The following CACNA1I variants were observed in gnomAD, a reference collection of about 807,000 sequenced individuals.
CACNA1I encodes the protein calcium voltage-gated channel subunit alpha1 I.
Under a neutral mutation model 201.6 loss-of-function variants are expected in CACNA1I, and 74 were observed. The ratio of observed to expected loss-of-function variants is 0.37; its 90% CI spans 0.30 to 0.45. The LOEUF is 0.45. Ranked by LOEUF, CACNA1I falls within the 20% of genes least tolerant of loss-of-function variation. CACNA1I has a pLI of 1.00. For missense variants in CACNA1I, 2,346 were observed against 3,138.1 expected (o/e 0.75, Z 6.03); for synonymous variants, 1,431 against 1,345.2 (o/e 1.06, Z -1.40).
At chr22:39,620,970 C>T (rs1463311659) in intron 4 of CACNA1I, among the ~76,000 whole-genome samples, 2 of 152,132 alleles carry the variant, frequency 1.3e-5, no homozygotes, top group Non-Finnish European at 2.9e-5. Flanking sequence ...ATTGGTCAGG[C>T]TGGTCTCGAA....
At chr22:39,610,510 G>A (rs1158601692) in intron 3 of CACNA1I, among the ~76,000 whole-genome samples, 1 of 152,164 alleles carries the variant, frequency 6.6e-6, no homozygotes, top group Non-Finnish European at 1.5e-5. Context: ...TAGCTGCCAT[G>A]TGTGATGTTG....
intron 4 of CACNA1I, among the ~76,000 whole-genome samples, chr22:39,632,796 G>A (rs1934101644): frequency 6.6e-6 from 1 of 152,058 alleles, no homozygotes; most frequent in South Asian, 2.1e-4. Flanking sequence ...GATGGATTAT[G>A]AGGGCACCCA....
At chr22:39,587,129 C>T (rs1000344131) in intron 1 of CACNA1I, among the ~76,000 whole-genome samples, 13 of 152,206 alleles carry the variant, frequency 8.5e-5, no homozygotes, top group Non-Finnish European at 1.8e-4. Context: ...CTGCCATTGC[C>T]TCCCCTACTC....
intron 5 of CACNA1I, among the ~76,000 whole-genome samples, chr22:39,640,537 C>T (rs1297303647): frequency 6.6e-6 from 1 of 152,212 alleles, no homozygotes; most frequent in African/African-American, 2.4e-5. Context: ...CCTGCTCTGT[C>T]TGTGCGAACC....
intron 23 of CACNA1I, 93 bp from the exon 24 acceptor site, chr22:39,668,199 A>G (rs1332625711): frequency 2.7e-6 from 2 of 747,448 alleles, no homozygotes; most frequent in Non-Finnish European, 4.7e-6. Context: ...TCTGCCTCCC[A>G]AGGGCAGAAG....
chr22:39,647,897 C>T lies in CACNA1I; in HGVS notation c.1538C>T (p.Ala513Val). The change falls in exon 9 of 37, where the codon GCC (alanine) becomes GTC (valine). Residue 513 changes from alanine (A) to valine (V), a missense_variant. By Grantham distance (64) the Ala-to-Val change is moderately conservative (BLOSUM62 0). Transcript: ENST00000402142. ...SRHCQTLHGPASPGNDHSGRE... is the reference protein window; with the variant it reads ...SRHCQTLHGPVSPGNDHSGRE... ...CATTGCCAGACTTTGCATGGGCCTG[C>T]CTCCCCTGGAAATGATCACTCGGGA... 3.1e-6 allele frequency: 5 copies of T among 1,613,658 alleles called. No homozygotes were observed. The highest frequency in any genetic ancestry group is 4.2e-6 in the Non-Finnish European group (5 of 1,179,836).
intron 27 of CACNA1I, among the ~76,000 whole-genome samples, chr22:39,672,551 C>T (rs569655765): frequency 3.9e-5 from 6 of 152,250 alleles, no homozygotes; most frequent in African/African-American, 1.4e-4. Flanking sequence ...TTGTCTCTAC[C>T]CTATGGGCAG....
chr22:39,582,281 T>C (rs774763761), intron 1 of CACNA1I, among the ~76,000 whole-genome samples: 1 of 151,718 alleles, frequency 6.6e-6, no homozygotes, highest in Non-Finnish European at 1.5e-5. Context: ...AAAATTGGGG[T>C]GGGGTGGGCT....
chr22:39,628,263 C>T (rs1304583716), intron 4 of CACNA1I, among the ~76,000 whole-genome samples: 1 of 152,136 alleles, frequency 6.6e-6, no homozygotes, highest in East Asian at 1.9e-4. Flanking sequence ...AGATGTGGGG[C>T]CAAGATCAGG....
chr22:39,580,348 G>A (rs563516494), intron 1 of CACNA1I, among the ~76,000 whole-genome samples: 8 of 152,300 alleles, frequency 5.3e-5, no homozygotes, highest in East Asian at 1.9e-4. Flanking sequence ...ATGCTCAGCC[G>A]GGCCAGAGCG....
In CACNA1I at chr22:39,676,909, T is replaced by C. The variant is rs1935528344; in HGVS notation, c.4855-432T>C. On this transcript the variant is annotated intron_variant, in intron 29 of 36. Transcript: ENST00000402142. This position sits in a 1 kb window ranked among gnomAD's most constrained non-coding sequence, Gnocchi z 4.8. ...GCCACTCAAGGCGTGTAGCATAGAT[T>C]GTGTGCATGGACCCTGGGGCCAGCC... 6.6e-6 allele frequency among the ~76,000 whole-genome samples: 1 copy of C among 152,228 alleles called. No homozygotes were observed. The highest frequency in any genetic ancestry group is 2.4e-5 in the African/African-American group (1 of 41,462).
rs755371506 is a variant in CACNA1I, at chr22:39,649,752, A to AAGGAGGAGG, written c.1831_1839dup (p.Glu611_Glu613dup). On this transcript the variant is annotated inframe_insertion, in exon 10 of 37. Transcript: ENST00000402142. The surrounding 1 kb of genome is among the most constrained non-coding windows in gnomAD (Gnocchi z 7.3). ...GGACGGAGCCTCCTCAGAACTGGGGAAGGAGGAGGAGGAGGAGGAGCAGGC... is the reference window on the plus strand; with the variant it reads ...GGACGGAGCCTCCTCAGAACTGGGGAAGGAGGAGGAGGAGGAGGAGGAGGAGGAGCAGGC... The AAGGAGGAGG allele has an allele frequency of 1.1e-5, 17 of 1,586,270 alleles. No individual in the cohort carries two copies. The highest frequency in any genetic ancestry group is 2.3e-5 in the East Asian group (1 of 43,642).
At chr22:39,675,325 G>A (rs563084868) in intron 29 of CACNA1I, among the ~76,000 whole-genome samples, 1 of 152,340 alleles carries the variant, frequency 6.6e-6, no homozygotes, top group South Asian at 2.1e-4. Context: ...AGGCTGCTAG[G>A]GGTGGGGATG....
chr22:39,613,448 G>A (rs1003912314), intron 3 of CACNA1I, among the ~76,000 whole-genome samples: 3 of 152,210 alleles, frequency 2.0e-5, no homozygotes, highest in Non-Finnish European at 2.9e-5. Flanking sequence ...CGTGTGAGCT[G>A]AGGTAACAGT....
intron 4 of CACNA1I, among the ~76,000 whole-genome samples, chr22:39,624,484 C>T (rs1185598731): frequency 6.6e-6 from 1 of 152,202 alleles, no homozygotes; most frequent in Non-Finnish European, 1.5e-5. Flanking sequence ...GTGTCGGCTT[C>T]CCGCCCCTGA....
chr22:39,623,911 G>A (rs1401370354), intron 4 of CACNA1I, among the ~76,000 whole-genome samples: 4 of 145,580 alleles, frequency 2.7e-5, no homozygotes, highest in Non-Finnish European at 6.1e-5. Context: ...CGCCTGTGAG[G>A]GTGTATGTGT....
intron 1 of CACNA1I, among the ~76,000 whole-genome samples, chr22:39,586,803 C>T (rs561659715): frequency 1.3e-5 from 2 of 152,156 alleles, no homozygotes; most frequent in South Asian, 2.1e-4. Flanking sequence ...CCACACTGGT[C>T]GAGCCCTCAC....
intron 1 of CACNA1I, among the ~76,000 whole-genome samples, chr22:39,587,469 C>A (rs1569048861): frequency 6.6e-6 from 1 of 152,142 alleles, no homozygotes; most frequent in Non-Finnish European, 1.5e-5. Context: ...TGTGTCATCT[C>A]GGGCAAGTGC....
At chr22:39,671,374 G>T (rs986010503) in intron 26 of CACNA1I, among the ~76,000 whole-genome samples, 1 of 152,202 alleles carries the variant, frequency 6.6e-6, no homozygotes, top group African/African-American at 2.4e-5. Flanking sequence ...TAAATATGCT[G>T]CCCAAATTAC....
Sources: gnomAD v4.1 joint callset for allele counts (sites outside exome capture counted in the v4.1 genomes callset) on GRCh38, gnomAD v4.1.1 for gene constraint, Gnocchi (gnomAD v3.1) non-coding constraint, MANE v1.5 for transcripts, NCBI Gene and HGNC (gene_info 2026-07-23, HGNC 2026-07-21) for gene names.